SLC9A9: variants seen among roughly 807,000 people sequenced by gnomAD.
SLC9A9 encodes the protein sodium/hydrogen exchanger 9.
In SLC9A9, 62 loss-of-function variants were observed where a neutral mutation model predicts 77.8. That is an observed-to-expected ratio of 0.80 (90% confidence interval 0.65 to 0.98). The LOEUF (loss-of-function observed/expected upper bound fraction) is 0.98. SLC9A9 is among the 50% of genes least tolerant of loss of function. The pLI is 0.00. For synonymous variants in SLC9A9, 320 were observed against 283.5 expected, an observed-to-expected ratio of 1.13 and a Z score of -1.29; for missense variants, 775 against 774.9, an observed-to-expected ratio of 1.00 and a Z score of 0.00.
intron 12 of SLC9A9, among the ~76,000 whole-genome samples, chr3:143,423,206 CACACACACGTACACACA>C: frequency 9.5e-6 from 1 of 104,724 alleles, no homozygotes; most frequent in Non-Finnish European, 2.1e-5. Context: ...TACTTACCCT[CACACACACGTACACACA>C]CACACACGTG....
rs868648904 is a variant in SLC9A9 at position 143,843,042 on chromosome 3, T to C, written c.175+5106A>G. 3.9e-5 allele frequency among the ~76,000 whole-genome samples: 6 copies of C among 152,152 alleles called. No individual in the cohort carries two copies. The South Asian group carries it at 1.2e-3, about 32-fold the overall frequency. On this transcript the variant is annotated intron_variant, in intron 1 of 15. Coordinates refer to ENST00000316549, the MANE Select transcript of SLC9A9 (RefSeq NM_173653.4). ...CATCACTTGCCCAAAATAATGCATC[T>C]AGCTACTGAAAAAAAAATCATCAAG...
chr3:143,500,429 A>T (rs2035905946), intron 9 of SLC9A9, among the ~76,000 whole-genome samples: 1 of 152,098 alleles, frequency 6.6e-6, no homozygotes, highest in African/African-American at 2.4e-5. Context: ...ATTTTTCTGT[A>T]TGGCACCCTC....
chr3:143,775,065 C>T (rs942146169), intron 4 of SLC9A9, among the ~76,000 whole-genome samples: 7 of 152,182 alleles, frequency 4.6e-5, no homozygotes, highest in Admixed American at 1.3e-4. Context: ...TAGAGAGAAC[C>T]GTACCTGCTG....
chr3:143,848,230 G>T lies in SLC9A9; in HGVS notation c.93C>A (p.Leu31=). The change falls in exon 1 of 16, where the codon CTC becomes CTA. Residue 31 remains leucine, a synonymous_variant. Transcript: ENST00000316549. ...ACCAGATTGTCAAAATGGTAAGGAT[G>T]AGCAAAAAATTGAAGACAAGCAGCT... The part of the protein sequence containing the change: ...AVELLVFNFL[L]ILTILTIWLF... The T allele has an allele frequency of 6.2e-7, 1 of 1,613,986 alleles. No individual in the cohort carries two copies. The highest frequency in any genetic ancestry group is 8.5e-7 in the Non-Finnish European group (1 of 1,179,936).
chr3:143,715,797 G>A (rs1934328737), intron 4 of SLC9A9, among the ~76,000 whole-genome samples: 1 of 152,220 alleles, frequency 6.6e-6, no homozygotes, highest in Admixed American at 6.5e-5. Flanking sequence ...TCAAGTGAGG[G>A]CAGCATCGAG....
chr3:143,529,308 A>G (rs1264549746), intron 9 of SLC9A9, among the ~76,000 whole-genome samples: 1 of 152,212 alleles, frequency 6.6e-6, no homozygotes, highest in Non-Finnish European at 1.5e-5. Context: ...GAAAAAGTCC[A>G]AGTTCACTTT....
intron 12 of SLC9A9, among the ~76,000 whole-genome samples, chr3:143,428,149 T>A (rs1167364921): frequency 6.6e-6 from 1 of 152,080 alleles, no homozygotes; most frequent in Non-Finnish European, 1.5e-5. Flanking sequence ...ACCTAGAGAC[T>A]GGGAGGAAGT....
intron 11 of SLC9A9, 49 bp downstream of exon 11, chr3:143,493,603 TA>T: frequency 6.5e-7 from 1 of 1,532,400 alleles, no homozygotes; most frequent in Non-Finnish European, 9.0e-7. Flanking sequence ...TCATGTTCTG[TA>T]AAATTGTGAG....
At chr3:143,531,826 C>CGGTCA (rs929966338) in intron 9 of SLC9A9, among the ~76,000 whole-genome samples, 1 of 150,246 alleles carries the variant, frequency 6.7e-6, no homozygotes, top group Non-Finnish European at 1.5e-5. Flanking sequence ...GACTTATTGA[C>CGGTCA]CTCTGAGACT....
chr3:143,467,515 GGGAAAATCACATGAAGTCA>G (rs1196190959), intron 11 of SLC9A9, among the ~76,000 whole-genome samples: 1 of 152,102 alleles, frequency 6.6e-6, no homozygotes, highest in Non-Finnish European at 1.5e-5. Context: ...AAGTTGAAGT[GGGAAAATCACATGAAGTCA>G]GGCATTCGAG....
chr3:143,705,049 A>C (rs1308283449), intron 4 of SLC9A9, among the ~76,000 whole-genome samples: 9 of 123,458 alleles, frequency 7.3e-5, no homozygotes, highest in Non-Finnish European at 1.2e-4. Flanking sequence ...CTATATAGAT[A>C]TAGATATAGA....
At chr3:143,357,557 C>T (rs907110630) in intron 14 of SLC9A9, among the ~76,000 whole-genome samples, 4 of 152,160 alleles carry the variant, frequency 2.6e-5, no homozygotes, top group African/African-American at 7.2e-5. Flanking sequence ...CAATTATACA[C>T]TAGAAACACT....
intron 5 of SLC9A9, among the ~76,000 whole-genome samples, chr3:143,670,450 ATGC>A (rs2039139513): frequency 2.0e-5 from 3 of 152,166 alleles, no homozygotes; most frequent in Admixed American, 2.0e-4. Context: ...ATAATTTCAA[ATGC>A]ATATGCCCTT....
Position 143,693,256 on chromosome 3 carries a change from T to A in SLC9A9, c.585A>T (p.Lys195Asn), listed in dbSNP as rs1933531572. The A allele has an allele frequency of 6.2e-7, 1 of 1,613,322 alleles. No individual in the cohort carries two copies. Among genetic ancestry groups the A allele is most frequent in the South Asian group, 1.1e-5 (1 of 91,064 alleles). ...VKAMIHAGQL[K>N]NGDFHFTDCL... is the part of the protein sequence containing the mutation. The stretch of plus-strand genomic sequence containing the variant: ...AGTCAGTGAAATGAAAGTCTCCATT[T>A]TTCAGCTGGCCAGCATGTATCATAG... The change falls in exon 5 of 16, where the codon AAA (lysine) becomes AAT (asparagine). Residue 195 changes from lysine (K) to asparagine (N), a missense_variant. Transcript: ENST00000316549.
At chr3:143,833,431 G>A (rs1044315669) in intron 1 of SLC9A9, among the ~76,000 whole-genome samples, 2 of 152,200 alleles carry the variant, frequency 1.3e-5, no homozygotes, top group Non-Finnish European at 2.9e-5. Context: ...GAAGCACTCT[G>A]TGATACATGA....
chr3:143,475,823 A>G (rs557248023), intron 11 of SLC9A9, among the ~76,000 whole-genome samples: 2 of 147,864 alleles, frequency 1.4e-5, no homozygotes, highest in African/African-American at 4.8e-5. Context: ...TTGGAACCCA[A>G]AAGAAAATGA....
At chr3:143,531,364 T>A (rs72999709) in intron 9 of SLC9A9, among the ~76,000 whole-genome samples, 9,759 of 152,286 alleles carry the variant, frequency 0.064, 681 homozygotes, top group African/African-American at 0.16. Flanking sequence ...TTTTATTTAT[T>A]TGAGTTCATC....
intron 5 of SLC9A9, among the ~76,000 whole-genome samples, chr3:143,684,180 G>A (rs1282085800): frequency 6.6e-6 from 1 of 151,952 alleles, no homozygotes; most frequent in Non-Finnish European, 1.5e-5. Flanking sequence ...TATTTGATAA[G>A]TATTTATTAT....
chr3:143,502,636 T>C (rs2035942760), intron 9 of SLC9A9, among the ~76,000 whole-genome samples: 1 of 152,194 alleles, frequency 6.6e-6, no homozygotes, highest in Admixed American at 6.5e-5. Context: ...TAAATTCACA[T>C]GAATTCCTCA....
Sources: gnomAD v4.1 joint callset for allele counts (sites outside exome capture counted in the v4.1 genomes callset) on GRCh38, gnomAD v4.1.1 for gene constraint, MANE v1.5 for transcripts, NCBI Gene and HGNC (gene_info 2026-07-23, HGNC 2026-07-21) for gene names.